Variants in LAMP2 observed in about 807,000 individuals in gnomAD.
LAMP2 encodes lysosome associated membrane protein 2, also known as lysosome-associated membrane glycoprotein 2.
A neutral mutation model predicts 25.6 loss-of-function variants in LAMP2; 4 were observed. The observed-to-expected ratio is 0.16, with a 90% CI of 0.08 to 0.36. The LOEUF (loss-of-function observed/expected upper bound fraction) is 0.36, where lower values mean the gene tolerates loss of function less well. LAMP2 is among the 10% of genes least tolerant of loss of function. The pLI is 1.00. For synonymous variants in LAMP2, 108 were observed against 112.7 expected (o/e 0.96, Z 0.27); for missense variants, 272 against 301.4 (o/e 0.90, Z 0.72).
rs1313333230 is a variant in LAMP2, at chrX:120,467,363, G to T, written c.64+1743C>A. Among the ~76,000 whole-genome samples the T allele has an allele frequency of 6.3e-5, 7 of 111,305 alleles. 1 individual carries two copies. Among genetic ancestry groups the T allele is most frequent in the African/African-American group, 2.3e-4 (7 of 30,550 alleles). ...AGTTAGGATGTTTAGCAGCATCCTT[G>T]GCCTCTACCCACTAGATGCTAAAAG... On this transcript the variant is annotated intron_variant, in intron 1 of 8. Transcript: ENST00000200639.
intron 1 of LAMP2, among the ~76,000 whole-genome samples, chrX:120,463,244 T>C (rs1335320451): frequency 1.8e-5 from 2 of 112,177 alleles, no homozygotes; most frequent in Non-Finnish European, 3.8e-5. Context: ...CCCTTGCTTT[T>C]GGTAAGTTTC....
intron 1 of LAMP2, among the ~76,000 whole-genome samples, chrX:120,461,348 T>C (rs184035194): frequency 2.7e-3 from 302 of 112,066 alleles, no homozygotes; most frequent in Admixed American, 6.3e-3. Context: ...TTATCCTGAA[T>C]TATTCAGTTA....
At position 120,429,796 on chromosome X, in the gene LAMP2, A is replaced by G. The variant is rs754306794; in HGVS notation, c.*1527T>C. On this transcript the variant is annotated 3_prime_UTR_variant, in exon 9 of 9. Transcript: ENST00000200639. ...GTTGCCCACTTGATATGGAACCTCA[A>G]TGAATTTCACTCCCCTTTCTGTAAA... 1.6e-5 allele frequency: 12 copies of G among 752,413 alleles called. No individual in the cohort carries two copies. The African/African-American group carries it at 2.5e-4, about 16-fold the overall frequency. 62.0% of individuals were successfully genotyped at this position (752,413 alleles called of 1,213,427 possible).
At chrX:120,432,928 C>CA (rs60129285) in intron 8 of LAMP2, among the ~76,000 whole-genome samples, 3,461 of 73,697 alleles carry the variant, frequency 0.047, 152 homozygotes, top group African/African-American at 0.16. Context: ...GAACCCATCT[C>CA]AAAAAAAAAA....
rs3827478 is a variant in LAMP2 at position 120,428,577 on chromosome X, T to C, written c.*2746A>G. ...TAAGGAAGCCCAAGGCCACACCCAC[T>C]GCAACAGGAATAAGAAAGTTGAGGT... On this transcript the variant is annotated 3_prime_UTR_variant, in exon 9 of 9. Transcript: ENST00000200639. 5.8e-3 allele frequency: 6,899 copies of C among 1,197,967 alleles called. 126 individuals carry two copies. The East Asian group carries it at 0.083, about 14-fold the overall frequency.
chrX:120,429,988 C>T lies in LAMP2; in HGVS notation c.*1335G>A. Reference sequence around the variant, plus strand: ...TGTTGCTACGGTTCTGAGTACACAACACTCATCTCAGTAACCACACATTAG... The same window carrying T: ...TGTTGCTACGGTTCTGAGTACACAATACTCATCTCAGTAACCACACATTAG... On this transcript the variant is annotated 3_prime_UTR_variant, in exon 9 of 9. Transcript: ENST00000200639. The T allele has an allele frequency of 1.3e-6, 1 of 754,152 alleles. No homozygotes were observed. The highest frequency in any genetic ancestry group is 1.6e-6 in the Non-Finnish European group (1 of 638,941). The allele number at this position is 754,152 out of a possible 1,213,427, so 62.2% of individuals were successfully genotyped here. A position where few individuals can be genotyped will look rare whatever the true frequency, so the allele number is the denominator to read the frequency against.
chrX:120,452,931 C>T (rs1052428903), intron 3 of LAMP2, among the ~76,000 whole-genome samples: 2 of 110,317 alleles, frequency 1.8e-5, no homozygotes, highest in Non-Finnish European at 3.8e-5. Context: ...TTACTGTGTA[C>T]TTTTTCTTTT....
intron 6 of LAMP2, among the ~76,000 whole-genome samples, chrX:120,443,133 C>T (rs1367654583): frequency 1.8e-5 from 2 of 111,946 alleles, no homozygotes; most frequent in African/African-American, 3.3e-5. Flanking sequence ...ACACTTCAAT[C>T]CTGCCTTCAC....
chrX:120,467,375 C>T (rs1921586267), intron 1 of LAMP2, among the ~76,000 whole-genome samples: 1 of 111,669 alleles, frequency 9.0e-6, no homozygotes, highest in Non-Finnish European at 1.9e-5. Flanking sequence ...CCTCTACCCA[C>T]TAGATGCTAA....
In LAMP2 at chrX:120,447,996, T is replaced by A. The variant is rs138991195; in HGVS notation, c.586A>T (p.Thr196Ser). The A allele has an allele frequency of 4.0e-4, 482 of 1,208,560 alleles. No individual in the cohort carries two copies. The highest frequency in any genetic ancestry group is 4.9e-4 in the Non-Finnish European group (441 of 894,405). Residue 196 changes from threonine to serine, a missense_variant, in exon 5 of 9, where the codon ACA becomes TCA. By Grantham distance (58) the Thr-to-Ser change is moderately conservative. Coordinates refer to ENST00000200639, the MANE Select transcript of LAMP2 (RefSeq NM_002294.3). ...EFLCDKDKTS[T>S]VAPTIHTTVP... ...GTGGTGTGTATGGTGGGTGCCACTG[T>A]TGAAGTTTTGTCTTTATCACACAGG...
chrX:120,454,325 G>A (rs762190656), intron 3 of LAMP2, among the ~76,000 whole-genome samples: 2 of 111,032 alleles, frequency 1.8e-5, no homozygotes, highest in Non-Finnish European at 3.8e-5. Context: ...CCCCCTGAGT[G>A]TAATGAGGGA....
rs727504957 is a variant in LAMP2, at chrX:120,431,345, T to A, written c.1211A>T (p.His404Leu). 6 of 1,210,304 alleles carry A rather than the reference T, an allele frequency of 5.0e-6. No homozygotes were observed. The highest frequency in any genetic ancestry group is 6.7e-6 in the Non-Finnish European group (6 of 894,041). Residue 404 changes from histidine to leucine, a missense_variant, in exon 9 of 9, where the codon CAT becomes CTT. Transcript: ENST00000200639. The stretch of plus-strand genomic sequence containing the variant: ...ATTCTAAAATTGCTCATATCCAGCA[T>A]GATGGTGCTTGAGACCAATAAAATA... ...LAYFIGLKHH[H>L]AGYEQF
At chrX:120,464,876 C>T (rs950499122) in intron 1 of LAMP2, among the ~76,000 whole-genome samples, 17 of 111,282 alleles carry the variant, frequency 1.5e-4, no homozygotes, top group African/African-American at 5.6e-4. Flanking sequence ...CTCAGCCTCC[C>T]GAGTAGCTGG....
intron 4 of LAMP2, 97 bp from the exon 5 acceptor site, chrX:120,448,122 CA>C: frequency 2.7e-6 from 2 of 740,816 alleles, no homozygotes; most frequent in Non-Finnish European, 4.2e-6. Context: ...AATAGAAGTC[CA>C]AAAGGGTTAT....
At chrX:120,457,182 G>T (rs1921130760) in intron 1 of LAMP2, among the ~76,000 whole-genome samples, 1 of 111,446 alleles carries the variant, frequency 9.0e-6, no homozygotes, top group African/African-American at 3.3e-5. Context: ...AGGACTTGTG[G>T]TTTTTGCGGT....
intron 8 of LAMP2, chrX:120,437,880 A>G: frequency 1.4e-6 from 1 of 698,243 alleles, no homozygotes; most frequent in Non-Finnish European, 1.7e-6. Flanking sequence ...TTTGAGATGG[A>G]GTTTCGTTTT....
At chrX:120,438,830 T>C (rs1296209616) in intron 8 of LAMP2, 1 of 845,938 alleles carries the variant, frequency 1.2e-6, no homozygotes, top group Non-Finnish European at 1.4e-6. Flanking sequence ...AAAATTGTTT[T>C]TTCTAAACGG....
chrX:120,454,227 CAAA>C (rs34279521), intron 3 of LAMP2, among the ~76,000 whole-genome samples: 2 of 80,694 alleles, frequency 2.5e-5, no homozygotes, highest in African/African-American at 4.7e-5. Context: ...GTTATCAGAT[CAAA>C]AAAAAAAAAA....
At chrX:120,465,561 A>C (rs761082507) in intron 1 of LAMP2, among the ~76,000 whole-genome samples, 1 of 112,310 alleles carries the variant, frequency 8.9e-6, no homozygotes, top group African/African-American at 3.2e-5. Flanking sequence ...TCTATGAAAA[A>C]GACCAATATA....
Sources: gnomAD v4.1 joint callset for allele counts (sites outside exome capture counted in the v4.1 genomes callset) on GRCh38, gnomAD v4.1.1 for gene constraint, MANE v1.5 for transcripts, NCBI Gene and HGNC (gene_info 2026-07-23, HGNC 2026-07-21) for gene names.